The following ZNF462 variants were observed in gnomAD, a reference collection of about 807,000 sequenced individuals.
ZNF462 encodes zinc finger protein 462.
Under a neutral mutation model 201.9 loss-of-function variants are expected in ZNF462, and 10 were observed. The observed-to-expected ratio is 0.05, with a 90% CI of 0.03 to 0.08. The LOEUF is 0.08. Ranked by LOEUF, ZNF462 falls within the 10% of genes least tolerant of loss-of-function variation. ZNF462 has a pLI of 1.00. For missense variants in ZNF462, 2,523 were observed against 3,168.3 expected (o/e 0.80, Z 4.89); for synonymous variants, 1,227 against 1,193.3 (o/e 1.03, Z -0.58).
chr9:106,933,960 T>C lies in ZNF462; in HGVS notation c.6116+1411T>C, dbSNP rs987527681. Among the ~76,000 whole-genome samples, 6 of 152,172 alleles carry C rather than the reference T, an allele frequency of 3.9e-5. No homozygotes were observed. Among genetic ancestry groups the C allele is most frequent in the African/African-American group, 1.4e-4 (6 of 41,432 alleles). On this transcript the variant is annotated intron_variant, in intron 5 of 12. Coordinates refer to ENST00000277225, the MANE Select transcript of ZNF462 (RefSeq NM_021224.6). The surrounding 1 kb of genome is among the most constrained non-coding windows in gnomAD (Gnocchi z 4.3). ...AGTGAAAGATAAGGTCTAAATACTT[T>C]AAAGGAGACCATATTTGGAGTTTTA...
chr9:106,977,040 T>C lies in ZNF462; in HGVS notation c.6832+2767T>C, dbSNP rs974537166. 1.3e-5 allele frequency among the ~76,000 whole-genome samples: 2 copies of C among 152,084 alleles called. No individual in the cohort carries two copies. The highest frequency in any genetic ancestry group is 4.8e-5 in the African/African-American group (2 of 41,398). On this transcript the variant is annotated intron_variant, in intron 9 of 12. Transcript: ENST00000277225. The surrounding 1 kb of genome is among the most constrained non-coding windows in gnomAD (Gnocchi z 4.6). ...GTGGCGGCTGAGTTCAAAGACAGAATTATCAGAGGAGGTCAGAGGGGAAGT... is the reference window on the plus strand; with the variant it reads ...GTGGCGGCTGAGTTCAAAGACAGAACTATCAGAGGAGGTCAGAGGGGAAGT...
chr9:106,974,012 T>A lies in ZNF462; in HGVS notation c.6696-125T>A. 7.8e-7 allele frequency: 1 copy of A among 1,288,638 alleles called. No homozygotes were observed. The highest frequency in any genetic ancestry group is 1.1e-6 in the Non-Finnish European group (1 of 927,872). The allele number at this position is 1,288,638 out of a possible 1,614,324, so 79.8% of individuals were successfully genotyped here. On this transcript the variant is annotated intron_variant, in intron 8 of 12. Transcript: ENST00000277225. The surrounding 1 kb of genome is among the most constrained non-coding windows in gnomAD (Gnocchi z 4.0). ...GGTCAACAAACATGATGAACAGATT[T>A]TTTTTTAGCCCCACAAGCAGGAGAG...
In ZNF462 at chr9:106,890,485, C is replaced by T. The variant is rs899881755; in HGVS notation, c.-31+27130C>T. ...ATCAAATATCATATCCACACACCTG[C>T]AGTTCTTTCTCTGTGTCCACAAACA... is the stretch of plus-strand genomic sequence containing the variant. On this transcript the variant is annotated intron_variant, in intron 1 of 12. Coordinates refer to ENST00000277225, the MANE Select transcript of ZNF462 (RefSeq NM_021224.6). This position sits in a 1 kb window ranked among gnomAD's most constrained non-coding sequence, Gnocchi z 4.2. 1.3e-5 allele frequency among the ~76,000 whole-genome samples: 2 copies of T among 152,214 alleles called. No individual in the cohort carries two copies. The highest frequency in any genetic ancestry group is 4.8e-5 in the African/African-American group (2 of 41,444).
chr9:106,928,329 A>G lies in ZNF462; in HGVS notation c.4417A>G (p.Thr1473Ala). The change falls in exon 3 of 13, where the codon ACG becomes GCG. Residue 1473 changes from threonine (T) to alanine (A), a missense_variant. Physicochemically the swap from Thr to Ala is moderately conservative, Grantham distance 58. Around this residue, in one of 15 missense-constraint regions of ZNF462, gnomAD observed 200 missense variants for 281.3 expected, o/e 0.71. Coordinates refer to ENST00000277225, the MANE Select transcript of ZNF462 (RefSeq NM_021224.6). This position sits in a 1 kb window ranked among gnomAD's most constrained non-coding sequence, Gnocchi z 9.3. ...CATATCCTCCACCCCATACCAGTGCACGGTATGCCAATCTGAGTATAACAA... is the reference window on the plus strand; with the variant it reads ...CATATCCTCCACCCCATACCAGTGCGCGGTATGCCAATCTGAGTATAACAA... ...PAISSTPYQC[T>A]VCQSEYNNLH... 1 of 1,614,194 alleles carries G rather than the reference A, an allele frequency of 6.2e-7. No homozygotes were observed. The highest frequency in any genetic ancestry group is 8.5e-7 in the Non-Finnish European group (1 of 1,180,030).
In ZNF462 at chr9:106,930,765, G is replaced by T; in HGVS notation, c.6012+76G>T. Reference sequence around the variant, plus strand: ...CTTATTAACCCCATTGCCTAAAGCAGCTCAGGAAAGAGCATCTCAGAATGC... The same window carrying T: ...CTTATTAACCCCATTGCCTAAAGCATCTCAGGAAAGAGCATCTCAGAATGC... On this transcript the variant is annotated intron_variant, in intron 4 of 12. Coordinates refer to ENST00000277225, the MANE Select transcript of ZNF462 (RefSeq NM_021224.6). The surrounding 1 kb of genome is among the most constrained non-coding windows in gnomAD (Gnocchi z 5.8). 1 of 1,547,624 alleles carries T rather than the reference G, an allele frequency of 6.5e-7. No homozygotes were observed. The highest frequency in any genetic ancestry group is 1.2e-5 in the South Asian group (1 of 84,400).
At chr9:106,959,013 T>C (rs1354149790) in intron 7 of ZNF462, among the ~76,000 whole-genome samples, 3 of 152,286 alleles carry the variant, frequency 2.0e-5, no homozygotes, top group Non-Finnish European at 4.4e-5. Flanking sequence ...AGTTTGGGAA[T>C]TGAATTTGCC....
In ZNF462 at chr9:106,968,888, C is replaced by T. The variant is rs1470542362; in HGVS notation, c.6428-3117C>T. On this transcript the variant is annotated intron_variant, in intron 7 of 12. Coordinates refer to ENST00000277225, the MANE Select transcript of ZNF462 (RefSeq NM_021224.6). This position sits in a 1 kb window ranked among gnomAD's most constrained non-coding sequence, Gnocchi z 4.0. ...CCCTTCGCAGCTAACAATCTGTTTG[C>T]CTTTCTAACCTGGGCACAGAACGAC... 6.6e-6 allele frequency among the ~76,000 whole-genome samples: 1 copy of T among 152,166 alleles called. No individual in the cohort carries two copies. The highest frequency in any genetic ancestry group is 6.5e-5 in the Admixed American group (1 of 15,276).
intron 7 of ZNF462, among the ~76,000 whole-genome samples, chr9:106,958,403 TC>T (rs1242391329): frequency 5.9e-5 from 9 of 152,088 alleles, no homozygotes; most frequent in Admixed American, 5.9e-4. Flanking sequence ...CACCACTTCT[TC>T]CCTTGCACTG....
rs1830343849 is a variant in ZNF462, at chr9:106,929,584, C to T, written c.5672C>T (p.Thr1891Ile). The T allele has an allele frequency of 1.2e-6, 2 of 1,614,220 alleles. No individual in the cohort carries two copies. Among genetic ancestry groups the T allele is most frequent in the Non-Finnish European group, 1.7e-6 (2 of 1,180,036 alleles). ...LGNGPRLQNS[T>I]YQCKHCDSKL... ...AACGGCCCCCGCTTGCAGAACTCCA[C>T]CTACCAGTGTAAGCACTGTGATAGC... Residue 1891 changes from threonine to isoleucine, a missense_variant, in exon 3 of 13, where the codon ACC becomes ATC. Thr to Ile is a moderately conservative substitution (Grantham distance 89, BLOSUM62 -1). Transcript: ENST00000277225. The surrounding 1 kb of genome is among the most constrained non-coding windows in gnomAD (Gnocchi z 8.7).
At chr9:106,945,872 T>TTAA (rs1831082561) in intron 7 of ZNF462, among the ~76,000 whole-genome samples, 1 of 152,214 alleles carries the variant, frequency 6.6e-6, no homozygotes, top group Non-Finnish European at 1.5e-5. Flanking sequence ...AGACTCTGCC[T>TTAA]CAGTGGCAAA....
intron 1 of ZNF462, among the ~76,000 whole-genome samples, chr9:106,867,354 T>C (rs532120609): frequency 1.2e-4 from 19 of 152,296 alleles, no homozygotes; most frequent in Admixed American, 7.2e-4. Flanking sequence ...ATGTGGCTTA[T>C]TATGCAAATT....
chr9:106,912,075 T>C (rs1196884337), intron 1 of ZNF462, among the ~76,000 whole-genome samples: 2 of 152,196 alleles, frequency 1.3e-5, no homozygotes, highest in Non-Finnish European at 2.9e-5. Flanking sequence ...TGACTACTCC[T>C]TTCCTTTCCA....
At chr9:106,875,499 A>G (rs1381522407) in intron 1 of ZNF462, among the ~76,000 whole-genome samples, 1 of 152,258 alleles carries the variant, frequency 6.6e-6, no homozygotes, top group Non-Finnish European at 1.5e-5. Context: ...GTTTAAGATA[A>G]TGCCTTAGCA....
intron 1 of ZNF462, among the ~76,000 whole-genome samples, chr9:106,869,815 C>G (rs972172424): frequency 6.6e-6 from 1 of 152,162 alleles, no homozygotes. Context: ...GTTGAACTGT[C>G]TCTTGGATTT....
chr9:106,945,867 C>G (rs1466760916), intron 7 of ZNF462, among the ~76,000 whole-genome samples: 1 of 152,228 alleles, frequency 6.6e-6, no homozygotes, highest in African/African-American at 2.4e-5. Context: ...TGTTAAGACT[C>G]TGCCTCAGTG....
chr9:106,900,102 C>G (rs12376761), intron 1 of ZNF462, among the ~76,000 whole-genome samples: 4,227 of 151,894 alleles, frequency 0.028, 78 homozygotes, highest in Non-Finnish European at 0.044. Context: ...GTTTGGTTTT[C>G]CATTCCTGAG....
At position 106,905,526 on chromosome 9, in the gene ZNF462, G is replaced by C. The variant is rs1440833625; in HGVS notation, c.-30-17828G>C. Among the ~76,000 whole-genome samples, 6 of 152,180 alleles carry C rather than the reference G, an allele frequency of 3.9e-5. No individual in the cohort carries two copies. Among genetic ancestry groups the C allele is most frequent in the African/African-American group, 9.7e-5 (4 of 41,450 alleles). On this transcript the variant is annotated intron_variant, in intron 1 of 12. Transcript: ENST00000277225. This position sits in a 1 kb window ranked among gnomAD's most constrained non-coding sequence, Gnocchi z 5.9. Reference sequence around the variant, plus strand: ...TTGTCTTCCACTACTAGGGTGGGTAGGGAAGGACCATCAGGTAGGGTGGGG... The same window carrying C: ...TTGTCTTCCACTACTAGGGTGGGTACGGAAGGACCATCAGGTAGGGTGGGG...
At chr9:106,871,861 T>C (rs1360479805) in intron 1 of ZNF462, among the ~76,000 whole-genome samples, 7 of 152,148 alleles carry the variant, frequency 4.6e-5, no homozygotes, top group Non-Finnish European at 1.0e-4. Flanking sequence ...AAGTGATCCA[T>C]AGAGCTTCTC....
rs1193205107 is a variant in ZNF462 at position 107,003,401 on chromosome 9, A to C, written c.7164A>C (p.Glu2388Asp). The change falls in exon 11 of 13, where the codon GAA becomes GAC. Residue 2388 changes from glutamate (E) to aspartate (D), a missense_variant. This residue lies in a region of ZNF462 where 228 missense variants were observed against 361.2 expected (regional missense o/e 0.63). Coordinates refer to ENST00000277225, the MANE Select transcript of ZNF462 (RefSeq NM_021224.6). This position sits in a 1 kb window ranked among gnomAD's most constrained non-coding sequence, Gnocchi z 4.4. Reference sequence around the variant, plus strand: ...GCGATGATGAGGACAAGGAAGAAGAAATGAACAGCAAGGCTGAAGACAGAG... The same window carrying C: ...GCGATGATGAGGACAAGGAAGAAGACATGAACAGCAAGGCTGAAGACAGAG... The part of the protein sequence containing the change: ...SSSDDEDKEE[E>D]MNSKAEDREL... The C allele has an allele frequency of 6.2e-7, 1 of 1,613,722 alleles. No homozygotes were observed. The highest frequency in any genetic ancestry group is 8.5e-7 in the Non-Finnish European group (1 of 1,179,796).
Sources: gnomAD v4.1 joint callset for allele counts (sites outside exome capture counted in the v4.1 genomes callset) on GRCh38, gnomAD v4.1.1 for gene constraint, gnomAD v4.1.1 regional missense constraint, Gnocchi (gnomAD v3.1) non-coding constraint, MANE v1.5 for transcripts, NCBI Gene and HGNC (gene_info 2026-07-23, HGNC 2026-07-21) for gene names.